TRIM3: variants seen among roughly 807,000 people sequenced by gnomAD.
TRIM3 encodes the protein tripartite motif-containing protein 3.
TRIM3 carries 13 observed loss-of-function variants against 66.6 expected under a neutral mutation model. The ratio of observed to expected loss-of-function variants is 0.20; its 90% CI spans 0.13 to 0.31. TRIM3 has a LOEUF of 0.31. Ranked by LOEUF, TRIM3 falls within the 10% of genes least tolerant of loss-of-function variation. The probability of loss-of-function intolerance (pLI) is 1.00; values close to 1 mark genes in which losing one functional copy is unlikely to be tolerated. For synonymous variants in TRIM3, 406 were observed against 411.7 expected (o/e 0.99, Z 0.17); for missense variants, 711 against 1,020.4 (o/e 0.70, Z 4.13).
chr11:6,457,363 T>C lies in TRIM3; in HGVS notation c.629A>G (p.Gln210Arg), dbSNP rs905741555. 6.2e-7 allele frequency: 1 copy of C among 1,613,838 alleles called. No homozygotes were observed. Among genetic ancestry groups the C allele is most frequent in the Non-Finnish European group, 8.5e-7 (1 of 1,179,850 alleles). ...AGCCTGCTTGCGCTGCTGCAGTGCT[T>C]GCTCCAGGTCCTCGAACGCTGCACT... ...QISAAFEDLE[Q>R]ALQQRKQALV... The change falls in exon 5 of 12, where the codon CAA becomes CGA. Residue 210 changes from glutamine to arginine, a missense_variant. By Grantham distance (43) the Gln-to-Arg change is conservative (BLOSUM62 1). Coordinates refer to ENST00000345851, the MANE Select transcript of TRIM3 (RefSeq NM_033278.4). This position sits in a 1 kb window ranked among gnomAD's most constrained non-coding sequence, Gnocchi z 4.5.
At chr11:6,466,423 A>C (rs536758217) in intron 1 of TRIM3, among the ~76,000 whole-genome samples, 1 of 152,334 alleles carries the variant, frequency 6.6e-6, no homozygotes, top group East Asian at 1.9e-4. Flanking sequence ...CCTTGAAGCC[A>C]GAATGAATTT....
intron 2 of TRIM3, among the ~76,000 whole-genome samples, chr11:6,459,823 C>A (rs1850145532): frequency 6.6e-6 from 1 of 152,164 alleles, no homozygotes; most frequent in Non-Finnish European, 1.5e-5. Flanking sequence ...TGGTGACATT[C>A]ACTAAGATGA....
chr11:6,448,676 G>A lies in TRIM3; in HGVS notation c.*352C>T. ...ATTGCTGTCTCTGTCAGTGTGTATAGGGTGGTAGGGAGACAACTAGAGGGA... is the reference window on the plus strand; with the variant it reads ...ATTGCTGTCTCTGTCAGTGTGTATAAGGTGGTAGGGAGACAACTAGAGGGA... On this transcript the variant is annotated 3_prime_UTR_variant, in exon 12 of 12. Coordinates refer to ENST00000345851, the MANE Select transcript of TRIM3 (RefSeq NM_033278.4). 3.5e-6 allele frequency: 2 copies of A among 574,522 alleles called. No homozygotes were observed. The allele number at this position is 574,522 out of a possible 1,614,324, so 35.6% of individuals were successfully genotyped here. A position where few individuals can be genotyped will look rare whatever the true frequency, so the allele number is the denominator to read the frequency against.
intron 7 of TRIM3, 22 bp from the exon 8 acceptor site, chr11:6,451,460 AG>A (rs778599774): frequency 8.7e-6 from 14 of 1,612,706 alleles, no homozygotes; most frequent in Non-Finnish European, 1.1e-5. Context: ...GAGCAAGGGG[AG>A]GGAGCAGGTA....
chr11:6,455,439 A>G (rs562935396), intron 7 of TRIM3, among the ~76,000 whole-genome samples: 7 of 152,096 alleles, frequency 4.6e-5, no homozygotes, highest in Admixed American at 2.0e-4. Context: ...AAACAGAGGG[A>G]AAAAAAGGCA....
chr11:6,449,141 T>C lies in TRIM3; in HGVS notation c.2122A>G (p.Thr708Ala), dbSNP rs1221465356. ...GGACCATACAGTGGTTCTGCAGATG[T>C]GTTGATATAGGACAGGAAGGAGCCA... The part of the protein sequence containing the change: ...SSGSFLSYIN[T>A]SAEPLYGPQG... The change falls in exon 12 of 12, where the codon ACA becomes GCA. Residue 708 changes from threonine (T) to alanine (A), a missense_variant. Coordinates refer to ENST00000345851, the MANE Select transcript of TRIM3 (RefSeq NM_033278.4). This position sits in a 1 kb window ranked among gnomAD's most constrained non-coding sequence, Gnocchi z 5.3. The C allele has an allele frequency of 2.5e-6, 4 of 1,613,940 alleles. No homozygotes were observed. Among genetic ancestry groups the C allele is most frequent in the African/African-American group, 1.3e-5 (1 of 74,882 alleles).
Position 6,449,766 on chromosome 11 carries a change from A to G in TRIM3, c.1942-320T>C, listed in dbSNP as rs1336938374. On this transcript the variant is annotated intron_variant, in intron 10 of 11. Transcript: ENST00000345851. The surrounding 1 kb of genome is among the most constrained non-coding windows in gnomAD (Gnocchi z 5.3). ...CAATTTCTTCTCTGTTTGATAGGCC[A>G]ATGAATTAACACAACTCTTGATTCC... 3.4e-6 allele frequency: 1 copy of G among 293,752 alleles called. No homozygotes were observed. The highest frequency in any genetic ancestry group is 6.7e-5 in the East Asian group (1 of 14,990). The allele number at this position is 293,752 out of a possible 1,614,324, so 18.2% of individuals were successfully genotyped here.
At chr11:6,469,174 G>A (rs1442092285) in intron 1 of TRIM3, among the ~76,000 whole-genome samples, 1 of 152,220 alleles carries the variant, frequency 6.6e-6, no homozygotes, top group Non-Finnish European at 1.5e-5. Context: ...GAAAGGCTGG[G>A]AGGAAGAGTG....
At chr11:6,462,018 G>A (rs1301998359) in intron 2 of TRIM3, among the ~76,000 whole-genome samples, 1 of 151,928 alleles carries the variant, frequency 6.6e-6, no homozygotes, top group Non-Finnish European at 1.5e-5. Flanking sequence ...TTCTTTTCTG[G>A]TATCTGAACA....
Position 6,456,465 on chromosome 11 carries a change from G to C in TRIM3, c.1261C>G (p.Pro421Ala). The C allele has an allele frequency of 6.5e-7, 1 of 1,543,024 alleles. No individual in the cohort carries two copies. The highest frequency in any genetic ancestry group is 2.3e-5 in the East Asian group (1 of 44,040). Residue 421 changes from proline to alanine, a missense_variant, in exon 6 of 12, where the codon CCG becomes GCG. By Grantham distance (27) the Pro-to-Ala change is conservative. Transcript: ENST00000345851. This position sits in a 1 kb window ranked among gnomAD's most constrained non-coding sequence, Gnocchi z 6.4. ...GSPFRVRALR[P>A]GDLPPSPDDV... ...TCCGGGGAAGGTGGCAGGTCCCCCG[G>C]ACGCAGGGCACGCACGCGGAAGGGG...
upstream of TRIM3, chr11:6,474,260 G>A (rs887376862): frequency 6.6e-5 from 10 of 152,422 alleles, no homozygotes; most frequent in African/African-American, 2.4e-4. Flanking sequence ...TCAAGAAAAG[G>A]CAGCTGGGGC....
chr11:6,451,309 G>A lies in TRIM3; in HGVS notation c.1663C>T (p.Arg555Cys), dbSNP rs773436993. The A allele has an allele frequency of 6.2e-6, 10 of 1,614,002 alleles. No individual in the cohort carries two copies. Among genetic ancestry groups the A allele is most frequent in the Admixed American group, 1.7e-5 (1 of 59,996 alleles). ...GDIIVADYDNRWVSIFSPEGK... is the reference protein window; with the variant it reads ...GDIIVADYDNCWVSIFSPEGK... ...TCAGGGGAGAAGATGCTGACCCAAC[G>A]GTTGTCATAGTCTGCCACAATTATG... Residue 555 changes from arginine to cysteine, a missense_variant, in exon 8 of 12, where the codon CGT (arginine) becomes TGT (cysteine). Physicochemically the swap from Arg to Cys is radical, Grantham distance 180. Around this residue, in one of 3 missense-constraint regions of TRIM3, gnomAD observed 163 missense variants for 321.9 expected, o/e 0.51. Transcript: ENST00000345851.
In TRIM3 at chr11:6,450,770, G is replaced by A. The variant is rs1849687920; in HGVS notation, c.1870+122C>T. On this transcript the variant is annotated intron_variant, in intron 9 of 11. Coordinates refer to ENST00000345851, the MANE Select transcript of TRIM3 (RefSeq NM_033278.4). This position sits in a 1 kb window ranked among gnomAD's most constrained non-coding sequence, Gnocchi z 4.8. ...TTATTTCTGAGATGATAGGGCTAAC[G>A]TAAGGGAAGTGGGATCTCCAGAGCC... 1.0e-5 allele frequency: 15 copies of A among 1,463,246 alleles called. No individual in the cohort carries two copies. The highest frequency in any genetic ancestry group is 6.0e-5 in the South Asian group (5 of 82,736). 90.6% of individuals were successfully genotyped at this position (1,463,246 alleles called of 1,614,324 possible). A position where few individuals can be genotyped will look rare whatever the true frequency, so the allele number is the denominator to read the frequency against.
At chr11:6,470,988 A>C (rs1850667886) in intron 1 of TRIM3, among the ~76,000 whole-genome samples, 1 of 152,232 alleles carries the variant, frequency 6.6e-6, no homozygotes, top group Non-Finnish European at 1.5e-5. Context: ...CATTAACCTC[A>C]GAGCATGTGG....
intron 2 of TRIM3, among the ~76,000 whole-genome samples, chr11:6,464,678 A>C (rs971636868): frequency 2.0e-5 from 3 of 152,190 alleles, no homozygotes; most frequent in Admixed American, 6.5e-5. Context: ...ATAAATATGT[A>C]AACTATTGTG....
At chr11:6,470,109 A>G (rs895023029) in intron 1 of TRIM3, among the ~76,000 whole-genome samples, 3 of 152,230 alleles carry the variant, frequency 2.0e-5, no homozygotes, top group Non-Finnish European at 4.4e-5. Flanking sequence ...GGTAGTGGTG[A>G]GGGCTATTAA....
At chr11:6,472,909 A>T in intron 1 of TRIM3, among the ~76,000 whole-genome samples, 1 of 152,110 alleles carries the variant, frequency 6.6e-6, no homozygotes, top group Non-Finnish European at 1.5e-5. Flanking sequence ...TAGGGGATGA[A>T]TGGGCACCAG....
At chr11:6,465,415 G>T in intron 2 of TRIM3, 150 bp downstream of exon 2, 1 of 878,846 alleles carries the variant, frequency 1.1e-6, no homozygotes, top group Non-Finnish European at 1.8e-6. Flanking sequence ...ATTTCCTGCA[G>T]GTTGGGGTTC....
At chr11:6,467,734 T>A (rs1043202238) in intron 1 of TRIM3, among the ~76,000 whole-genome samples, 4 of 152,034 alleles carry the variant, frequency 2.6e-5, no homozygotes, top group African/African-American at 9.7e-5. Context: ...CACTGCACTC[T>A]AGCCTGGCAT....
Sources: allele counts gnomAD v4.1 joint callset (sites outside exome capture counted in the v4.1 genomes callset), GRCh38; gene constraint gnomAD v4.1.1; regional missense constraint gnomAD v4.1.1; non-coding constraint Gnocchi (gnomAD v3.1); transcripts MANE v1.5; gene names NCBI Gene and HGNC (gene_info 2026-07-23, HGNC 2026-07-21).